Variants in BABAM2 observed in about 807,000 individuals in gnomAD.
BABAM2 encodes BRISC and BRCA1-A complex member 2.
BABAM2 carries 31 observed loss-of-function variants against 54.7 expected under a neutral mutation model. The observed-to-expected ratio is 0.57, with a 90% CI of 0.43 to 0.77. BABAM2 has a LOEUF of 0.77. Among genes scored for constraint, BABAM2 ranks in the 30% least tolerant of loss-of-function variants. The pLI is 0.00. For missense variants in BABAM2, 364 were observed against 455.8 expected (o/e 0.80, Z 1.83); for synonymous variants, 167 against 162.9 (o/e 1.03, Z -0.19).
intron 2 of BABAM2, among the ~76,000 whole-genome samples, chr2:27,915,677 CG>C (rs375385829): frequency 0.52 from 7,304 of 14,136 alleles, 617 homozygotes; most frequent in Middle Eastern, 0.6. Flanking sequence ...ATATAAAAAA[CG>C]TTTTTTTTCT....
At chr2:28,076,811 A>T (rs1416249178) in intron 6 of BABAM2, among the ~76,000 whole-genome samples, 1 of 152,062 alleles carries the variant, frequency 6.6e-6, no homozygotes, top group Non-Finnish European at 1.5e-5. Context: ...CCCATTGAAC[A>T]TTTTTAATAG....
intron 6 of BABAM2, among the ~76,000 whole-genome samples, chr2:28,123,603 C>T (rs1669260813): frequency 6.6e-6 from 1 of 152,126 alleles, no homozygotes; most frequent in Non-Finnish European, 1.5e-5. Flanking sequence ...TTTCTAATTT[C>T]CCAGATGGGA....
intron 7 of BABAM2, among the ~76,000 whole-genome samples, chr2:28,168,383 T>A (rs923544832): frequency 6.6e-6 from 1 of 152,182 alleles, no homozygotes; most frequent in South Asian, 2.1e-4. Flanking sequence ...CAGAGGACAT[T>A]TGGCACTTTC....
chr2:28,212,706 G>A (rs1415065248), intron 7 of BABAM2, among the ~76,000 whole-genome samples: 1 of 152,078 alleles, frequency 6.6e-6, no homozygotes, highest in Admixed American at 6.5e-5. Context: ...TTGGGCAAAT[G>A]ATAGTAGTTC....
At chr2:28,234,190 C>T (rs754974803) in intron 7 of BABAM2, among the ~76,000 whole-genome samples, 4 of 152,100 alleles carry the variant, frequency 2.6e-5, no homozygotes, top group Non-Finnish European at 4.4e-5. Context: ...GTTCTCTGAG[C>T]CTCGTTTTTT....
intron 10 of BABAM2, among the ~76,000 whole-genome samples, chr2:28,275,342 G>A (rs1249974404): frequency 6.6e-6 from 1 of 152,244 alleles, no homozygotes; most frequent in Non-Finnish European, 1.5e-5. Context: ...TGAGGCTAGA[G>A]TGTGGATTAA....
Position 28,302,120 on chromosome 2 carries a change from A to G in BABAM2, c.1088+3629A>G, listed in dbSNP as rs1253863253. Among the ~76,000 whole-genome samples the G allele has an allele frequency of 2.6e-5, 4 of 152,208 alleles. No individual in the cohort carries two copies. In the East Asian group the frequency reaches 7.7e-4, roughly 29 times the overall value. ...ATTTCATTCAACATAATTGTTTAAG[A>G]TTTAGCTGTTATGGTGGCCGGGAGC... is the stretch of plus-strand genomic sequence containing the variant. On this transcript the variant is annotated intron_variant, in intron 11 of 11. Transcript: ENST00000379624.
chr2:28,016,684 G>A (rs1028712188), intron 4 of BABAM2, among the ~76,000 whole-genome samples: 3 of 152,228 alleles, frequency 2.0e-5, no homozygotes, highest in African/African-American at 4.8e-5. Context: ...CAAGGGGGAA[G>A]AGAATTATTA....
chr2:28,195,865 A>G (rs1178674244), intron 7 of BABAM2, among the ~76,000 whole-genome samples: 3 of 152,228 alleles, frequency 2.0e-5, no homozygotes, highest in South Asian at 4.1e-4. Flanking sequence ...CATATAAAAT[A>G]TTAGTTCAAA....
intron 10 of BABAM2, among the ~76,000 whole-genome samples, chr2:28,280,805 G>A (rs1573990591): frequency 6.6e-6 from 1 of 152,190 alleles, no homozygotes; most frequent in Admixed American, 6.5e-5. Context: ...AATTAATCTA[G>A]AATGAGCCAT....
At chr2:27,909,380 T>G (rs1392331738) in intron 2 of BABAM2, among the ~76,000 whole-genome samples, 3 of 152,186 alleles carry the variant, frequency 2.0e-5, no homozygotes, top group Non-Finnish European at 4.4e-5. Context: ...TGGAGAAATG[T>G]CTGTTCAAGT....
intron 10 of BABAM2, among the ~76,000 whole-genome samples, chr2:28,276,239 C>G (rs149717572): frequency 6.6e-6 from 1 of 151,972 alleles, no homozygotes; most frequent in Admixed American, 6.6e-5. Context: ...AGCTCATGAA[C>G]CCAGCATCCA....
intron 5 of BABAM2, among the ~76,000 whole-genome samples, chr2:28,041,630 A>G (rs926996243): frequency 2.0e-5 from 3 of 152,182 alleles, no homozygotes; most frequent in African/African-American, 7.2e-5. Context: ...CCTTTTTGCC[A>G]TCCCCTGAAC....
chr2:28,225,373 A>C (rs1246622757), intron 7 of BABAM2, among the ~76,000 whole-genome samples: 1 of 152,264 alleles, frequency 6.6e-6, no homozygotes, highest in East Asian at 1.9e-4. Context: ...CCCTGCAGGC[A>C]TCAGAATCCA....
chr2:28,303,922 C>T (rs1688305106), intron 11 of BABAM2, among the ~76,000 whole-genome samples: 1 of 151,792 alleles, frequency 6.6e-6, no homozygotes, highest in Non-Finnish European at 1.5e-5. Context: ...GCTCTGTTGC[C>T]CAGGCTAGAG....
At chr2:27,901,662 T>C (rs1056970380) in intron 2 of BABAM2, among the ~76,000 whole-genome samples, 1 of 152,188 alleles carries the variant, frequency 6.6e-6, no homozygotes, top group African/African-American at 2.4e-5. Context: ...GCCTTGTGTC[T>C]GGAAGGAAGC....
intron 5 of BABAM2, among the ~76,000 whole-genome samples, chr2:28,029,119 G>C (rs752752025): frequency 2.0e-5 from 3 of 152,092 alleles, no homozygotes; most frequent in Non-Finnish European, 4.4e-5. Context: ...CATGATTAAT[G>C]CCTTCAAATC....
At chr2:28,295,223 G>A (rs1248406512) in intron 10 of BABAM2, among the ~76,000 whole-genome samples, 3 of 152,142 alleles carry the variant, frequency 2.0e-5, no homozygotes. Context: ...GAAAATAGAA[G>A]GCATTCCAAA....
chr2:28,126,162 C>CT (rs761450065), intron 6 of BABAM2, among the ~76,000 whole-genome samples: 1 of 151,474 alleles, frequency 6.6e-6, no homozygotes, highest in Admixed American at 6.6e-5. Flanking sequence ...TATTATTATA[C>CT]TTTAAGTTTT....
Sources: allele counts gnomAD v4.1 joint callset (sites outside exome capture counted in the v4.1 genomes callset), GRCh38; gene constraint gnomAD v4.1.1; transcripts MANE v1.5; gene names NCBI Gene and HGNC (gene_info 2026-07-23, HGNC 2026-07-21).